The following ASIC2 variants were observed in gnomAD, a reference collection of about 807,000 sequenced individuals.
ASIC2 encodes acid-sensing ion channel 2.
In ASIC2, 25 loss-of-function variants were observed where a neutral mutation model predicts 57.3. The observed-to-expected ratio is 0.44, with a 90% CI of 0.32 to 0.61. The LOEUF is 0.61. Among genes scored for constraint, ASIC2 ranks in the 20% least tolerant of loss-of-function variants. The pLI, the probability that ASIC2 is intolerant of heterozygous loss-of-function variation, is 0.06. For missense variants in ASIC2, 641 were observed against 738.1 expected, an observed-to-expected ratio of 0.87 and a Z score of 1.52; for synonymous variants, 319 against 307.5, an observed-to-expected ratio of 1.04 and a Z score of -0.39.
intron 1 of ASIC2, among the ~76,000 whole-genome samples, chr17:33,425,080 T>G (rs780465678): frequency 6.6e-6 from 1 of 152,268 alleles, no homozygotes; most frequent in Non-Finnish European, 1.5e-5. Flanking sequence ...AAAATTATTA[T>G]GAAGCCCAGT....
intron 1 of ASIC2, among the ~76,000 whole-genome samples, chr17:33,440,620 G>A (rs904182825): frequency 6.6e-6 from 1 of 152,178 alleles, no homozygotes. Context: ...TCATCAACAC[G>A]AAGTATATCG....
At position 33,041,063 on chromosome 17, in the gene ASIC2, G is replaced by A. The variant is rs557577208; in HGVS notation, c.988-12671C>T. Reference sequence around the variant, plus strand: ...GCCCCTGTTTGCCTGAGCCCCTCCCGCTACCATCTTGAGGCACATCTCCAG... The same window carrying A: ...GCCCCTGTTTGCCTGAGCCCCTCCCACTACCATCTTGAGGCACATCTCCAG... On this transcript the variant is annotated intron_variant, in intron 3 of 9. Transcript: ENST00000225823. Among the ~76,000 whole-genome samples the A allele has an allele frequency of 4.3e-4, 66 of 152,032 alleles. 1 individual carries two copies. Among genetic ancestry groups the A allele is most frequent in the Non-Finnish European group, 7.4e-4 (50 of 67,996 alleles).
chr17:33,462,915 G>C (rs538248086), intron 1 of ASIC2, among the ~76,000 whole-genome samples: 1 of 152,266 alleles, frequency 6.6e-6, no homozygotes, highest in South Asian at 2.1e-4. Context: ...AGAGGTGATG[G>C]AGCTTTGTTC....
At chr17:34,057,006 G>A (rs6505395) in intron 1 of ASIC2, among the ~76,000 whole-genome samples, 2 of 152,014 alleles carry the variant, frequency 1.3e-5, no homozygotes, top group Non-Finnish European at 2.9e-5. Context: ...TAGTTGCCTC[G>A]TCTTTTCATT....
intron 1 of ASIC2, among the ~76,000 whole-genome samples, chr17:33,237,699 T>G (rs1382704836): frequency 6.6e-6 from 1 of 152,198 alleles, no homozygotes. Flanking sequence ...CTACAATAAA[T>G]GCAATGTATC....
intron 1 of ASIC2, among the ~76,000 whole-genome samples, chr17:33,230,284 A>G (rs779925977): frequency 4.6e-5 from 7 of 152,234 alleles, no homozygotes; most frequent in Non-Finnish European, 8.8e-5. Context: ...CTCAATATGT[A>G]TTGGAGCCTC....
In ASIC2 at chr17:33,374,300, T is replaced by C. The variant is rs192761560; in HGVS notation, c.556-262233A>G. Among the ~76,000 whole-genome samples the C allele has an allele frequency of 3.3e-5, 5 of 152,212 alleles. No individual in the cohort carries two copies. The East Asian group carries it at 5.8e-4, about 18-fold the overall frequency. On this transcript the variant is annotated intron_variant, in intron 1 of 9. Transcript: ENST00000359872. Reference sequence around the variant, plus strand: ...GTGTGAGCCACCGCACCCGACCCAATTGGCCTTTTGATTTTTAGACTTGCA... The same window carrying C: ...GTGTGAGCCACCGCACCCGACCCAACTGGCCTTTTGATTTTTAGACTTGCA...
At chr17:33,648,999 G>A (rs1220949062) in intron 1 of ASIC2, among the ~76,000 whole-genome samples, 4 of 152,170 alleles carry the variant, frequency 2.6e-5, no homozygotes, top group Admixed American at 2.6e-4. Flanking sequence ...CCCCTAAGAT[G>A]TGGAAGTAAA....
chr17:33,025,141 C>T (rs958789562), intron 5 of ASIC2, among the ~76,000 whole-genome samples: 4 of 152,216 alleles, frequency 2.6e-5, no homozygotes, highest in Non-Finnish European at 1.5e-5. Context: ...CACTGCCTCA[C>T]TTAGCTCCAG....
chr17:34,104,747 T>C (rs1158179015), intron 1 of ASIC2, among the ~76,000 whole-genome samples: 1 of 152,106 alleles, frequency 6.6e-6, no homozygotes, highest in African/African-American at 2.4e-5. Flanking sequence ...TTTAATATAT[T>C]AATTAACCAG....
At chr17:33,268,577 C>T (rs758390148) in intron 1 of ASIC2, among the ~76,000 whole-genome samples, 9 of 152,192 alleles carry the variant, frequency 5.9e-5, no homozygotes, top group Non-Finnish European at 1.0e-4. Context: ...CTAAGTAACA[C>T]AACACAGGTG....
intron 1 of ASIC2, among the ~76,000 whole-genome samples, chr17:33,621,503 A>G (rs1905797927): frequency 6.6e-6 from 1 of 152,200 alleles, no homozygotes. Flanking sequence ...ACGCTGGTTC[A>G]TCCTGATAGG....
chr17:33,610,716 A>ATAAT (rs71362898), intron 1 of ASIC2, among the ~76,000 whole-genome samples: 2 of 149,148 alleles, frequency 1.3e-5, no homozygotes, highest in African/African-American at 5.1e-5. Context: ...AAATAAATAA[A>ATAAT]AAATAAATAA....
At chr17:33,734,821 C>A (rs2142093399) in intron 1 of ASIC2, among the ~76,000 whole-genome samples, 1 of 152,254 alleles carries the variant, frequency 6.6e-6, no homozygotes, top group Non-Finnish European at 1.5e-5. Context: ...CCAAAACCAA[C>A]CCTGCTTGCA....
At chr17:33,237,008 T>C (rs1908319016) in intron 1 of ASIC2, among the ~76,000 whole-genome samples, 1 of 152,144 alleles carries the variant, frequency 6.6e-6, no homozygotes, top group Non-Finnish European at 1.5e-5. Flanking sequence ...AGACAGGAGA[T>C]GAAGGGTTCA....
At chr17:33,106,884 G>A (rs1179652475) in intron 2 of ASIC2, among the ~76,000 whole-genome samples, 1 of 152,150 alleles carries the variant, frequency 6.6e-6, no homozygotes, top group Non-Finnish European at 1.5e-5. Context: ...GGAAAAATAA[G>A]CCTGTTTCTA....
At chr17:34,152,503 G>A (rs1208075543) in intron 1 of ASIC2, among the ~76,000 whole-genome samples, 2 of 152,104 alleles carry the variant, frequency 1.3e-5, no homozygotes, top group African/African-American at 4.8e-5. Context: ...AACAGAGAAA[G>A]CAGTAGCCAC....
chr17:33,327,939 G>A (rs1226174938), intron 1 of ASIC2, among the ~76,000 whole-genome samples: 1 of 152,196 alleles, frequency 6.6e-6, no homozygotes, highest in Non-Finnish European at 1.5e-5. Context: ...GACAATAGAG[G>A]CAGAGAATGA....
intron 1 of ASIC2, among the ~76,000 whole-genome samples, chr17:33,299,366 G>A (rs912438403): frequency 6.6e-6 from 1 of 152,190 alleles, no homozygotes; most frequent in African/African-American, 2.4e-5. Flanking sequence ...TCATGATGGG[G>A]ACACCTGTAC....
Sources: allele counts gnomAD v4.1 joint callset (sites outside exome capture counted in the v4.1 genomes callset), GRCh38; gene constraint gnomAD v4.1.1; transcripts MANE v1.5; gene names NCBI Gene and HGNC (gene_info 2026-07-23, HGNC 2026-07-21).